CSMD3: variants seen among roughly 807,000 people sequenced by gnomAD.
CSMD3 encodes CUB and sushi domain-containing protein 3.
A neutral mutation model predicts 435.2 loss-of-function variants in CSMD3; 177 were observed. The observed-to-expected ratio is 0.41, with a 90% CI of 0.36 to 0.46. The LOEUF (loss-of-function observed/expected upper bound fraction) is 0.46, where lower values mean the gene tolerates loss of function less well. CSMD3 is among the 20% of genes least tolerant of loss of function. The pLI, the probability that CSMD3 is intolerant of heterozygous loss-of-function variation, is 0.34. For synonymous variants in CSMD3, 1,656 were observed against 1,520.5 expected, an observed-to-expected ratio of 1.09 and a Z score of -2.07; for missense variants, 4,265 against 4,504.6, an observed-to-expected ratio of 0.95 and a Z score of 1.52.
intron 11 of CSMD3, among the ~76,000 whole-genome samples, chr8:112,833,900 A>C (rs2079949111): frequency 6.6e-6 from 1 of 152,004 alleles, no homozygotes; most frequent in South Asian, 2.1e-4. Flanking sequence ...TTCACAGTAG[A>C]TATATGAGTG....
chr8:112,635,415 G>A (rs911889326), intron 22 of CSMD3, among the ~76,000 whole-genome samples: 21 of 151,880 alleles, frequency 1.4e-4, no homozygotes, highest in Non-Finnish European at 2.1e-4. Context: ...AAGTACCTTC[G>A]AAAACAGTCA....
intron 27 of CSMD3, among the ~76,000 whole-genome samples, chr8:112,524,720 ATAT>A (rs1563656681): frequency 6.6e-6 from 1 of 152,028 alleles, no homozygotes; most frequent in African/African-American, 2.4e-5. Context: ...AACATAATTG[ATAT>A]TATATTGATG....
chr8:112,636,739 A>G, intron 22 of CSMD3, 78 bp downstream of exon 22: 1 of 1,207,920 alleles, frequency 8.3e-7, no homozygotes, highest in Non-Finnish European at 1.2e-6. Context: ...ACAGATTATA[A>G]AGAACGAAGG....
At chr8:112,417,407 C>T (rs13257713) in intron 32 of CSMD3, among the ~76,000 whole-genome samples, 9,163 of 152,134 alleles carry the variant, frequency 0.06, 426 homozygotes, top group Non-Finnish European at 0.085. Flanking sequence ...ACATTTTAAA[C>T]AGCACCTGAA....
chr8:112,890,107 G>A (rs997281187), intron 10 of CSMD3, among the ~76,000 whole-genome samples: 1 of 151,684 alleles, frequency 6.6e-6, no homozygotes, highest in Non-Finnish European at 1.5e-5. Context: ...GTAGTATACT[G>A]TATTCAGTTT....
intron 5 of CSMD3, among the ~76,000 whole-genome samples, chr8:113,094,644 T>G (rs2090107526): frequency 6.6e-6 from 1 of 152,208 alleles, no homozygotes; most frequent in Non-Finnish European, 1.5e-5. Flanking sequence ...TTTACAATAA[T>G]CTATTGTATA....
At chr8:113,091,327 T>C (rs978582346) in intron 5 of CSMD3, among the ~76,000 whole-genome samples, 1 of 152,144 alleles carries the variant, frequency 6.6e-6, no homozygotes, top group African/African-American at 2.4e-5. Flanking sequence ...TTTTTCAGAA[T>C]AGTTTGAATA....
chr8:113,131,009 A>T (rs900593800), intron 4 of CSMD3, among the ~76,000 whole-genome samples: 1 of 152,184 alleles, frequency 6.6e-6, no homozygotes, highest in Non-Finnish European at 1.5e-5. Context: ...GAAATTTCTA[A>T]GGAGCAAAGT....
chr8:113,325,209 T>G (rs2093975680), intron 1 of CSMD3, among the ~76,000 whole-genome samples: 1 of 152,124 alleles, frequency 6.6e-6, no homozygotes, highest in Non-Finnish European at 1.5e-5. Context: ...CGATTGGTTT[T>G]GAAATATGAG....
chr8:112,524,581 A>G (rs765346237), intron 27 of CSMD3, among the ~76,000 whole-genome samples: 3 of 152,052 alleles, frequency 2.0e-5, no homozygotes, highest in Non-Finnish European at 4.4e-5. Flanking sequence ...GTAGATGTGA[A>G]CATAGTTTTA....
chr8:112,325,690 A>G (rs769571047), intron 45 of CSMD3, among the ~76,000 whole-genome samples: 1 of 152,038 alleles, frequency 6.6e-6, no homozygotes, highest in Non-Finnish European at 1.5e-5. Context: ...TATATGAATG[A>G]GTATATACGT....
chr8:112,752,362 A>G (rs555113300), intron 13 of CSMD3, among the ~76,000 whole-genome samples: 28 of 152,134 alleles, frequency 1.8e-4, no homozygotes, highest in Non-Finnish European at 4.0e-4. Context: ...TTATGCTTTA[A>G]GTACCATCCA....
intron 10 of CSMD3, among the ~76,000 whole-genome samples, chr8:112,862,978 T>C (rs2080867294): frequency 1.3e-5 from 2 of 152,024 alleles, no homozygotes; most frequent in South Asian, 4.1e-4. Context: ...TCTACATTTT[T>C]AGTATGCTTT....
chr8:113,250,938 C>T (rs1159245193), intron 3 of CSMD3, among the ~76,000 whole-genome samples: 4 of 151,582 alleles, frequency 2.6e-5, no homozygotes, highest in African/African-American at 9.7e-5. Context: ...GTGTAAATTA[C>T]AGAAGTTTAA....
At chr8:113,198,489 T>C (rs1321915492) in intron 3 of CSMD3, among the ~76,000 whole-genome samples, 1 of 151,274 alleles carries the variant, frequency 6.6e-6, no homozygotes, top group African/African-American at 2.4e-5. Context: ...AACATACACA[T>C]ACTAAATTGA....
chr8:112,306,641 T>G (rs1821446925), intron 50 of CSMD3, among the ~76,000 whole-genome samples: 1 of 152,200 alleles, frequency 6.6e-6, no homozygotes, highest in African/African-American at 2.4e-5. Context: ...TGGTCAGGAA[T>G]AAATCAAATA....
intron 1 of CSMD3, among the ~76,000 whole-genome samples, chr8:113,394,765 C>T (rs1019806304): frequency 6.6e-6 from 1 of 151,942 alleles, no homozygotes; most frequent in African/African-American, 2.4e-5. Context: ...ATAGACTCTG[C>T]ATTCAAGAAA....
chr8:113,127,630 A>G (rs781608179), intron 4 of CSMD3, among the ~76,000 whole-genome samples: 1 of 152,040 alleles, frequency 6.6e-6, no homozygotes, highest in African/African-American at 2.4e-5. Context: ...GGCTTTCATC[A>G]TATTTAATTA....
Position 112,341,561 on chromosome 8 carries a change from A to C in CSMD3, c.6568T>G (p.Leu2190Val). 5.0e-6 allele frequency: 8 copies of C among 1,613,526 alleles called. No individual in the cohort carries two copies. The highest frequency in any genetic ancestry group is 6.8e-6 in the Non-Finnish European group (8 of 1,179,476). The change falls in exon 42 of 71, where the codon TTA becomes GTA. Residue 2190 changes from leucine to valine, a missense_variant. Coordinates refer to ENST00000297405, the MANE Select transcript of CSMD3 (RefSeq NM_198123.2). Reference protein sequence around the residue: ...RLSGPQIPSSLFSTTHETSLY... With the variant: ...RLSGPQIPSSVFSTTHETSLY... Reference sequence around the variant, plus strand: ...CTGGTTTCATGGGTGGTGCTGAATAAGGAAGATGGTATTTGAGGACCACTA... The same window carrying C: ...CTGGTTTCATGGGTGGTGCTGAATACGGAAGATGGTATTTGAGGACCACTA...
Sources: gnomAD v4.1 joint callset for allele counts (sites outside exome capture counted in the v4.1 genomes callset) on GRCh38, gnomAD v4.1.1 for gene constraint, MANE v1.5 for transcripts, NCBI Gene and HGNC (gene_info 2026-07-23, HGNC 2026-07-21) for gene names.